Variants in TBC1D5 observed in about 807,000 individuals in gnomAD.
TBC1D5 encodes the protein TBC1 domain family, member 5.
A neutral mutation model predicts 100.3 loss-of-function variants in TBC1D5; 75 were observed. That is an observed-to-expected ratio of 0.75 (90% CI 0.62 to 0.91). The LOEUF is 0.91. Among genes scored for constraint, TBC1D5 ranks in the 40% least tolerant of loss-of-function variants. The pLI is 0.00. For missense variants in TBC1D5, 910 were observed against 942.4 expected (o/e 0.97, Z 0.45); for synonymous variants, 323 against 325.6 (o/e 0.99, Z 0.09).
At chr3:17,214,762 A>G (rs548548158) in intron 17 of TBC1D5, among the ~76,000 whole-genome samples, 61 of 152,276 alleles carry the variant, frequency 4.0e-4, no homozygotes, top group African/African-American at 1.4e-3. Flanking sequence ...TACATTAGCA[A>G]GATTAAAAAA....
At chr3:17,516,497 T>C (rs2095989885) in intron 2 of TBC1D5, among the ~76,000 whole-genome samples, 1 of 152,214 alleles carries the variant, frequency 6.6e-6, no homozygotes, top group Non-Finnish European at 1.5e-5. Context: ...TTGAAAATAA[T>C]GTTACAGCAG....
intron 13 of TBC1D5, among the ~76,000 whole-genome samples, chr3:17,340,335 A>T (rs376163866): frequency 2.8e-4 from 43 of 152,334 alleles, no homozygotes; most frequent in African/African-American, 9.4e-4. Context: ...GTATAACCAC[A>T]TTGGGCCAGT....
intron 1 of TBC1D5, among the ~76,000 whole-genome samples, chr3:17,655,654 T>C (rs2065995012): frequency 6.6e-6 from 1 of 152,020 alleles, no homozygotes; most frequent in Middle Eastern, 3.2e-3. Context: ...TCTGAAATAC[T>C]ACAAAATCTG....
chr3:17,159,971 T>A (rs2065896819), exon 22 of TBC1D5: 1 of 152,244 alleles, frequency 6.6e-6, no homozygotes, highest in Non-Finnish European at 1.5e-5. Flanking sequence ...TGGGTGGGAA[T>A]GAACTTGGGT....
At position 17,705,945 on chromosome 3, in the gene TBC1D5, G is replaced by T. The variant is rs563780557; in HGVS notation, c.-101+33398C>A. 405 of 1,244,366 alleles carry T rather than the reference G, an allele frequency of 3.3e-4. 5 individuals are homozygous for T. In the South Asian group the frequency reaches 5.5e-3, roughly 17 times the overall value. The allele number at this position is 1,244,366 out of a possible 1,614,324, so 77.1% of individuals were successfully genotyped here. A position where few individuals can be genotyped will look rare whatever the true frequency, so the allele number is the denominator to read the frequency against. ...GCGGGGCCCGTCCGCTCCTCCAGCC[G>T]CTGCCTCCCGGGCGGCGCTCCTCAG... On this transcript the variant is annotated intron_variant, in intron 1 of 21. Coordinates refer to ENST00000253692, the Ensembl canonical transcript of TBC1D5.
chr3:17,637,191 T>G (rs922988320), intron 1 of TBC1D5, among the ~76,000 whole-genome samples: 1 of 121,730 alleles, frequency 8.2e-6, no homozygotes, highest in East Asian at 2.3e-4. Flanking sequence ...CCGACTAATT[T>G]TTTTTTTTTT....
intron 13 of TBC1D5, among the ~76,000 whole-genome samples, chr3:17,330,768 T>C (rs1294182400): frequency 6.6e-6 from 1 of 152,164 alleles, no homozygotes; most frequent in Non-Finnish European, 1.5e-5. Flanking sequence ...CTTCATAACC[T>C]GGATGCCCTA....
At chr3:17,263,709 A>C (rs554359959) in intron 15 of TBC1D5, among the ~76,000 whole-genome samples, 1 of 152,330 alleles carries the variant, frequency 6.6e-6, no homozygotes, top group South Asian at 2.1e-4. Context: ...AAAGTGACTT[A>C]CAGAAGCAGA....
At chr3:17,408,154 T>C (rs1215390276) in intron 4 of TBC1D5, among the ~76,000 whole-genome samples, 1 of 151,978 alleles carries the variant, frequency 6.6e-6, no homozygotes, top group Admixed American at 6.6e-5. Context: ...GGCAAATTTC[T>C]TAACCTCTCT....
intron 13 of TBC1D5, among the ~76,000 whole-genome samples, chr3:17,368,161 T>C (rs2092274077): frequency 6.6e-6 from 1 of 152,162 alleles, no homozygotes; most frequent in Admixed American, 6.5e-5. Flanking sequence ...TGTTATATAA[T>C]ATTCAAGATT....
intron 2 of TBC1D5, among the ~76,000 whole-genome samples, chr3:17,592,365 G>C (rs2060285111): frequency 6.6e-6 from 1 of 152,190 alleles, no homozygotes; most frequent in African/African-American, 2.4e-5. Flanking sequence ...GCGTGTCAGA[G>C]GATGGGAAGT....
chr3:17,243,092 T>C (rs2076437092), intron 16 of TBC1D5, among the ~76,000 whole-genome samples: 1 of 152,192 alleles, frequency 6.6e-6, no homozygotes, highest in Non-Finnish European at 1.5e-5. Flanking sequence ...TGATTATATG[T>C]GTCTCAGACT....
chr3:17,723,789 A>G (rs565103502), intron 1 of TBC1D5, among the ~76,000 whole-genome samples: 2 of 152,334 alleles, frequency 1.3e-5, no homozygotes, highest in East Asian at 3.9e-4. Context: ...TGGGGCTTGC[A>G]GTAAACAGTA....
chr3:17,521,849 A>C (rs1006017259), intron 2 of TBC1D5, among the ~76,000 whole-genome samples: 10 of 152,268 alleles, frequency 6.6e-5, no homozygotes, highest in Middle Eastern at 3.4e-3. Context: ...AATTTTTAAA[A>C]CATTAAATAA....
intron 1 of TBC1D5, among the ~76,000 whole-genome samples, chr3:17,670,604 T>C (rs1018227812): frequency 3.3e-5 from 5 of 152,208 alleles, no homozygotes; most frequent in African/African-American, 7.2e-5. Flanking sequence ...TCTCTATCAA[T>C]TGGTACCAAA....
At chr3:17,339,124 C>T (rs1575413841) in intron 13 of TBC1D5, among the ~76,000 whole-genome samples, 1 of 152,104 alleles carries the variant, frequency 6.6e-6, no homozygotes, top group East Asian at 1.9e-4. Flanking sequence ...GTCTGAGGTC[C>T]CTGTCTGCAA....
At position 17,185,158 on chromosome 3, in the gene TBC1D5, GTCAT is replaced by G; in HGVS notation, c.1799_1802del (p.Asn600ThrfsTer12). On this transcript the variant is annotated frameshift_variant, in exon 19 of 22. Coordinates refer to ENST00000253692, the Ensembl canonical transcript of TBC1D5. LOFTEE classifies it high-confidence loss of function. Reference sequence around the variant, plus strand: ...CACAGTATTTGCACATGGCATCCAGGTCATTCAACTGCCCTTGAAGGAAGGAAAT... The same window carrying G: ...CACAGTATTTGCACATGGCATCCAGGTCAACTGCCCTTGAAGGAAGGAAAT... 1 of 1,613,620 alleles carries G rather than the reference GTCAT, an allele frequency of 6.2e-7. No homozygotes were observed. The highest frequency in any genetic ancestry group is 1.3e-5 in the African/African-American group (1 of 74,982).
chr3:17,304,477 G>A (rs1019708410), intron 14 of TBC1D5, among the ~76,000 whole-genome samples: 2 of 152,068 alleles, frequency 1.3e-5, no homozygotes, highest in Admixed American at 1.3e-4. Flanking sequence ...GCGCAATCAC[G>A]GCTCACTGCA....
intron 19 of TBC1D5, among the ~76,000 whole-genome samples, chr3:17,183,823 G>GTT (rs1429526855): frequency 2.0e-5 from 3 of 152,210 alleles, no homozygotes; most frequent in Non-Finnish European, 4.4e-5. Context: ...AGCTTGCTGG[G>GTT]GTTTGAAGGC....
Sources: gnomAD v4.1 joint callset for allele counts (sites outside exome capture counted in the v4.1 genomes callset) on GRCh38, gnomAD v4.1.1 for gene constraint, MANE v1.5 for transcripts, NCBI Gene and HGNC (gene_info 2026-07-23, HGNC 2026-07-21) for gene names.